The following C2orf66 variants were observed in gnomAD, a reference collection of about 807,000 sequenced individuals.
C2orf66 encodes the protein chromosome 2 open reading frame 66.
A neutral mutation model predicts 7.0 loss-of-function variants in C2orf66; 6 were observed. The observed-to-expected ratio is 0.86, with a 90% CI of 0.47 to 1.69. The LOEUF is 1.69. Among genes scored for constraint, C2orf66 ranks in the 40% most tolerant of loss-of-function variants. The probability of loss-of-function intolerance (pLI) is 0.01; values close to 1 mark genes in which losing one functional copy is unlikely to be tolerated. For synonymous variants in C2orf66, 38 were observed against 43.8 expected (o/e 0.87, Z 0.52); for missense variants, 107 against 112.0 (o/e 0.96, Z 0.20).
chr2:196,828,228 T>TCACACA, the C2orf66 span, among the ~76,000 whole-genome samples: 54 of 127,396 alleles, frequency 4.2e-4, no homozygotes, highest in Middle Eastern at 7.9e-3. Flanking sequence ...TCTCTCTCTC[T>TCACACA]CTCACACACA....
the C2orf66 span, among the ~76,000 whole-genome samples, chr2:196,828,030 G>A: frequency 6.6e-6 from 1 of 152,054 alleles, no homozygotes; most frequent in Non-Finnish European, 1.5e-5. Flanking sequence ...ATATAATTTT[G>A]TTTGAGTTAG....
At chr2:196,829,091 ACAT>A in the C2orf66 span, among the ~76,000 whole-genome samples, 7 of 152,056 alleles carry the variant, frequency 4.6e-5, no homozygotes, top group African/African-American at 1.4e-4. Context: ...ACACACACGC[ACAT>A]TTTTTTTCAC....
At chr2:196,819,604 C>G in the C2orf66 span, among the ~76,000 whole-genome samples, 4 of 152,282 alleles carry the variant, frequency 2.6e-5, no homozygotes, top group Non-Finnish European at 5.9e-5. Context: ...GCATTTGTTT[C>G]CACTTGGCTC....
intron 2 of C2orf66, among the ~76,000 whole-genome samples, chr2:196,806,674 C>A (rs1699823624): frequency 6.6e-6 from 1 of 150,570 alleles, no homozygotes; most frequent in African/African-American, 2.4e-5. Context: ...TATGGTGAAA[C>A]CCTGTCTCTA....
the C2orf66 span, among the ~76,000 whole-genome samples, chr2:196,824,862 T>C: frequency 1.3e-5 from 2 of 152,146 alleles, no homozygotes; most frequent in Non-Finnish European, 2.9e-5. Flanking sequence ...TTTCAAACCA[T>C]AGACCTGATA....
At chr2:196,826,707 T>C in the C2orf66 span, among the ~76,000 whole-genome samples, 5 of 152,266 alleles carry the variant, frequency 3.3e-5, no homozygotes, top group East Asian at 1.9e-4. Flanking sequence ...ATGGTTAAGA[T>C]GATAAACTGT....
At chr2:196,818,005 C>T in the C2orf66 span, among the ~76,000 whole-genome samples, 4 of 152,170 alleles carry the variant, frequency 2.6e-5, no homozygotes, top group African/African-American at 4.8e-5. Context: ...ACACAATTAT[C>T]GTAGTGGTCC....
chr2:196,812,526 A>G (rs1402184582), upstream of C2orf66, among the ~76,000 whole-genome samples: 3 of 152,196 alleles, frequency 2.0e-5, no homozygotes, highest in African/African-American at 7.2e-5. Flanking sequence ...CTGGCACAAG[A>G]CAAGGATGCC....
At chr2:196,822,465 A>G in the C2orf66 span, among the ~76,000 whole-genome samples, 1 of 152,240 alleles carries the variant, frequency 6.6e-6, no homozygotes, top group Non-Finnish European at 1.5e-5. Context: ...TCTTTACGCC[A>G]GAACTCTGTT....
At chr2:196,813,875 C>A (rs1241850448), upstream of C2orf66, among the ~76,000 whole-genome samples, 1 of 152,144 alleles carries the variant, frequency 6.6e-6, no homozygotes, top group African/African-American at 2.4e-5. Context: ...CAATGAGATA[C>A]CATCTCACAC....
At chr2:196,820,166 A>G in the C2orf66 span, among the ~76,000 whole-genome samples, 1 of 152,246 alleles carries the variant, frequency 6.6e-6, no homozygotes, top group African/African-American at 2.4e-5. Context: ...TAAAGGAGTT[A>G]AAGGACATTA....
chr2:196,821,824 CA>C, the C2orf66 span, among the ~76,000 whole-genome samples: 1 of 146,992 alleles, frequency 6.8e-6, no homozygotes, highest in East Asian at 2.0e-4. Flanking sequence ...AAAATAAGGA[CA>C]ATTCAGATGG....
the C2orf66 span, chr2:196,831,839 C>A: frequency 6.6e-6 from 1 of 152,156 alleles, no homozygotes; most frequent in East Asian, 1.9e-4. Context: ...TAACCCGTCC[C>A]CTTCCCCACT....
chr2:196,818,428 C>A, the C2orf66 span, among the ~76,000 whole-genome samples: 1 of 152,220 alleles, frequency 6.6e-6, no homozygotes, highest in Admixed American at 6.5e-5. Flanking sequence ...AGCAGCCTCC[C>A]TGTCTCCTGC....
At chr2:196,832,129 C>G in the C2orf66 span, 1 of 151,892 alleles carries the variant, frequency 6.6e-6, no homozygotes, top group African/African-American at 2.4e-5. Flanking sequence ...CCGAGGCAGG[C>G]GGATCACAAG....
chr2:196,812,884 G>A (rs751646774), upstream of C2orf66, among the ~76,000 whole-genome samples: 26 of 152,288 alleles, frequency 1.7e-4, no homozygotes, highest in Middle Eastern at 0.014. Context: ...GGATATGAAG[G>A]ATCTCTTCAA....
At chr2:196,823,802 T>C in the C2orf66 span, among the ~76,000 whole-genome samples, 37 of 152,300 alleles carry the variant, frequency 2.4e-4, no homozygotes, top group Admixed American at 1.4e-3. Flanking sequence ...AGGTACATTA[T>C]CTCATTTAAT....
the C2orf66 span, among the ~76,000 whole-genome samples, chr2:196,823,875 C>CA: frequency 6.6e-6 from 1 of 152,018 alleles, no homozygotes; most frequent in Non-Finnish European, 1.5e-5. Flanking sequence ...GACACAGACT[C>CA]AGAGAGGCTA....
chr2:196,820,578 C>T, the C2orf66 span, among the ~76,000 whole-genome samples: 1 of 152,174 alleles, frequency 6.6e-6, no homozygotes, highest in Admixed American at 6.5e-5. Flanking sequence ...AATGTATAGA[C>T]CATACTCTTC....
Sources: allele counts gnomAD v4.1 joint callset (sites outside exome capture counted in the v4.1 genomes callset), GRCh38; gene constraint gnomAD v4.1.1; transcripts MANE v1.5; gene names NCBI Gene and HGNC (gene_info 2026-07-23, HGNC 2026-07-21).